ZNF248: variants seen among roughly 807,000 people sequenced by gnomAD.
ZNF248 encodes zinc finger protein 248.
Under a neutral mutation model 44.3 loss-of-function variants are expected in ZNF248, and 20 were observed. The observed-to-expected ratio is 0.45, with a 90% confidence interval of 0.32 to 0.66. The LOEUF is 0.66. Ranked by LOEUF, ZNF248 falls within the 30% of genes least tolerant of loss-of-function variation. The pLI is 0.04. For synonymous variants in ZNF248, 224 were observed against 229.0 expected, an observed-to-expected ratio of 0.98 and a Z score of 0.20; for missense variants, 654 against 677.0, an observed-to-expected ratio of 0.97 and a Z score of 0.38.
chr10:37,831,149 G>C lies in ZNF248; in HGVS notation c.*466C>G, dbSNP rs2055512150. 1 of 1,485,110 alleles carries C rather than the reference G, an allele frequency of 6.7e-7. No homozygotes were observed. The highest frequency in any genetic ancestry group is 9.0e-7 in the Non-Finnish European group (1 of 1,116,158). The allele number at this position is 1,485,110 out of a possible 1,614,324, so 92.0% of individuals were successfully genotyped here. ...AATACCATAGTAGTTACTCAATTAA[G>C]GGTACGTATCTTCTCCTTATGATCA... On this transcript the variant is annotated 3_prime_UTR_variant, in exon 6 of 6. Transcript: ENST00000395867.
intron 5 of ZNF248, among the ~76,000 whole-genome samples, chr10:37,836,765 GACATGTACACACACACACAC>G (rs1379332281): frequency 9.0e-6 from 1 of 111,648 alleles, no homozygotes; most frequent in African/African-American, 3.6e-5. Context: ...CAAACACACA[GACATGTACACACACACACAC>G]ACACACACAC....
At position 37,838,082 on chromosome 10, in the gene ZNF248, C is replaced by A; in HGVS notation, c.45G>T (p.Val15=). The change falls in exon 4 of 6, where the codon GTG becomes GTT. Residue 15 remains valine (V), a synonymous_variant. Transcript: ENST00000395867. The stretch of plus-strand genomic sequence containing the variant: ...GATACCACTCTTCCTGAGTGAAGTC[C>A]ACACATACATCCTTGAATGACACTT... The part of the protein sequence containing the change: ...QEQVSFKDVC[V]DFTQEEWYLL... 1 of 1,613,186 alleles carries A rather than the reference C, an allele frequency of 6.2e-7. No individual in the cohort carries two copies. The highest frequency in any genetic ancestry group is 8.5e-7 in the Non-Finnish European group (1 of 1,179,474).
intron 3 of ZNF248, among the ~76,000 whole-genome samples, chr10:37,845,003 C>G (rs1239739434): frequency 6.8e-6 from 1 of 146,830 alleles, no homozygotes; most frequent in African/African-American, 2.5e-5. Context: ...CTCCTTCCCT[C>G]CTTCTCTCTC....
At chr10:37,808,273 TTTTTC>T (rs2050898053) in intron 6 of ZNF248, among the ~76,000 whole-genome samples, 1 of 148,374 alleles carries the variant, frequency 6.7e-6, no homozygotes, top group South Asian at 2.1e-4. Context: ...TATATAACCT[TTTTTC>T]TTTTTTTTTT....
chr10:37,823,993 C>T (rs1148282), downstream of ZNF248, among the ~76,000 whole-genome samples: 9,117 of 152,030 alleles, frequency 0.06, 355 homozygotes, highest in Middle Eastern at 0.096. Context: ...GTCAGTTTTC[C>T]AGAAAAATTG....
chr10:37,853,669 G>A lies in ZNF248; in HGVS notation c.15+2627C>T, dbSNP rs1399355627. ...TGCTGGGATTACAGGCAGGAGCCACGGTGCCCGGCCACCGGAATGGTATTT... is the reference window on the plus strand; with the variant it reads ...TGCTGGGATTACAGGCAGGAGCCACAGTGCCCGGCCACCGGAATGGTATTT... On this transcript the variant is annotated intron_variant, in intron 3 of 5. Coordinates refer to ENST00000395867, the MANE Select transcript of ZNF248 (RefSeq NM_021045.3). 3.9e-5 allele frequency among the ~76,000 whole-genome samples: 6 copies of A among 152,062 alleles called. No individual in the cohort carries two copies. The East Asian group carries it at 5.8e-4, about 15-fold the overall frequency.
chr10:37,780,125 A>G (rs1564454354), intron 6 of ZNF248, among the ~76,000 whole-genome samples: 2 of 150,236 alleles, frequency 1.3e-5, no homozygotes, highest in Middle Eastern at 3.2e-3. Context: ...CATCCCCATC[A>G]AGCTAACAAT....
At chr10:37,821,976 C>G (rs540902000) in intron 6 of ZNF248, among the ~76,000 whole-genome samples, 1 of 152,326 alleles carries the variant, frequency 6.6e-6, no homozygotes, top group East Asian at 1.9e-4. Context: ...AGGCTAAAGA[C>G]TGGAGCCTCA....
At chr10:37,819,248 C>A (rs200910) in intron 6 of ZNF248, 1 of 850,502 alleles carries the variant, frequency 1.2e-6, no homozygotes, top group African/African-American at 1.7e-5. Context: ...TAATTTGTGC[C>A]GTTTCAGATA....
chr10:37,807,033 G>C (rs549172292), intron 6 of ZNF248, among the ~76,000 whole-genome samples: 41 of 151,842 alleles, frequency 2.7e-4, no homozygotes, highest in African/African-American at 9.2e-4. Flanking sequence ...GCCCAAGCTG[G>C]AGTGCAGTGG....
At chr10:37,763,933 T>A in the ZNF248 span, among the ~76,000 whole-genome samples, 512 of 152,314 alleles carry the variant, frequency 3.4e-3, 1 homozygote, top group Admixed American at 6.9e-3. Context: ...AAGCTGAGGA[T>A]GTATGTTGCC....
Position 37,788,262 on chromosome 10 carries a change from TAAAAAAAAAAA to T in ZNF248, c.331-11698_331-11688del, listed in dbSNP as rs59927437. Among the ~76,000 whole-genome samples the T allele has an allele frequency of 2.6e-3, 282 of 110,332 alleles. 2 individuals are homozygous for T. The highest frequency in any genetic ancestry group is 9.3e-3 in the African/African-American group (269 of 28,958). The allele number at this position is 110,332 out of a possible 152,430, so 72.4% of individuals were successfully genotyped here. ...CCTGGGCAACAGTGAGACTCCATCTTAAAAAAAAAAAAAAAAAAAGAAAACATGCAAAAGAC... is the reference window on the plus strand; with the variant it reads ...CCTGGGCAACAGTGAGACTCCATCTTAAAAAAAAGAAAACATGCAAAAGAC... On this transcript the variant is annotated intron_variant, in intron 6 of 6. Transcript: ENST00000615949.
At chr10:37,772,674 C>T (rs1285098299), downstream of ZNF248, among the ~76,000 whole-genome samples, 1 of 152,212 alleles carries the variant, frequency 6.6e-6, no homozygotes, top group Admixed American at 6.5e-5. Context: ...GTATGAGAAA[C>T]CTGCACTTTA....
chr10:37,833,107 C>T lies in ZNF248; in HGVS notation c.248G>A (p.Trp83Ter). 1 of 1,581,978 alleles carries T rather than the reference C, an allele frequency of 6.3e-7. No homozygotes were observed. Among genetic ancestry groups the T allele is most frequent in the Non-Finnish European group, 8.6e-7 (1 of 1,168,882 alleles). Residue 83 changes from tryptophan (W) to a stop codon, truncating the protein, a stop_gained, in exon 6 of 6, where the codon TGG (tryptophan) becomes TAG (stop). Transcript: ENST00000395867. LOFTEE classifies it low-confidence loss of function (END_TRUNC). Reference protein sequence around the residue: ...FPSQCHPERKWKVDDVLESSQ... With the variant: ...FPSQCHPERK ...GCTCTCTAACACGTCATCAACTTTCCATTTCCTTTCTAGAAATGAGAAAAA... is the reference window on the plus strand; with the variant it reads ...GCTCTCTAACACGTCATCAACTTTCTATTTCCTTTCTAGAAATGAGAAAAA...
intron 6 of ZNF248, among the ~76,000 whole-genome samples, chr10:37,778,428 G>T (rs2046866705): frequency 6.6e-6 from 1 of 151,884 alleles, no homozygotes; most frequent in African/African-American, 2.4e-5. Context: ...TGTAGATTCT[G>T]GATATTAGCC....
chr10:37,776,652 T>G, intron 6 of ZNF248: 1 of 393,960 alleles, frequency 2.5e-6, no homozygotes, highest in Non-Finnish European at 4.5e-6. Flanking sequence ...GTCTAAACTC[T>G]GAAGGCACTG....
upstream of ZNF248, chr10:37,857,719 C>T (rs533501752): frequency 6.6e-6 from 1 of 152,662 alleles, no homozygotes; most frequent in South Asian, 2.1e-4. Flanking sequence ...GCTGTCCCCT[C>T]CCCGCAGCCA....
At chr10:37,808,805 C>A (rs1248429505) in intron 6 of ZNF248, among the ~76,000 whole-genome samples, 1 of 152,030 alleles carries the variant, frequency 6.6e-6, no homozygotes, top group Non-Finnish European at 1.5e-5. Flanking sequence ...TAATGTTAGT[C>A]GGTCTTTAAA....
At chr10:37,773,696 T>C (rs1349334640), downstream of ZNF248, among the ~76,000 whole-genome samples, 2 of 152,154 alleles carry the variant, frequency 1.3e-5, no homozygotes, top group African/African-American at 4.8e-5. Flanking sequence ...TCATCCTCTC[T>C]ACACACATCC....
Sources: gnomAD v4.1 joint callset for allele counts (sites outside exome capture counted in the v4.1 genomes callset) on GRCh38, gnomAD v4.1.1 for gene constraint, MANE v1.5 for transcripts, NCBI Gene and HGNC (gene_info 2026-07-23, HGNC 2026-07-21) for gene names.